PDE3B: variants seen among roughly 807,000 people sequenced by gnomAD.
The protein encoded by PDE3B is phosphodiesterase 3B.
PDE3B carries 66 observed loss-of-function variants against 116.8 expected under a neutral mutation model. That is an observed-to-expected ratio of 0.56 (90% CI 0.46 to 0.69). PDE3B has a LOEUF of 0.69. PDE3B is among the 30% of genes least tolerant of loss of function. The probability of loss-of-function intolerance (pLI) is 0.00; values close to 1 mark genes in which losing one functional copy is unlikely to be tolerated. For synonymous variants in PDE3B, 595 were observed against 533.6 expected (o/e 1.12, Z -1.59); for missense variants, 1,384 against 1,368.1 (o/e 1.01, Z -0.18).
At chr11:14,676,016 C>T (rs1402281423) in intron 1 of PDE3B, among the ~76,000 whole-genome samples, 1 of 152,114 alleles carries the variant, frequency 6.6e-6, no homozygotes, top group East Asian at 1.9e-4. Flanking sequence ...TATGAGAGTT[C>T]CAGTTGCCCT....
At chr11:14,891,641 T>G in the PDE3B span, 1 of 1,120,464 alleles carries the variant, frequency 8.9e-7, no homozygotes, top group Non-Finnish European at 1.1e-6. Flanking sequence ...AGGGCATGCG[T>G]CCACCCTGGA....
At chr11:14,711,911 A>AG (rs1855714844) in intron 1 of PDE3B, among the ~76,000 whole-genome samples, 1 of 152,230 alleles carries the variant, frequency 6.6e-6, no homozygotes. Context: ...AGAACATGTC[A>AG]GGGAAGGAAA....
intron 1 of PDE3B, among the ~76,000 whole-genome samples, chr11:14,689,688 A>G (rs1246073335): frequency 6.6e-6 from 1 of 152,198 alleles, no homozygotes; most frequent in Non-Finnish European, 1.5e-5. Context: ...GGTGATTGGC[A>G]TGATGAAGAG....
At chr11:14,696,071 G>C (rs1434772604) in intron 1 of PDE3B, among the ~76,000 whole-genome samples, 1 of 152,084 alleles carries the variant, frequency 6.6e-6, no homozygotes, top group Non-Finnish European at 1.5e-5. Context: ...CTAAATCTTG[G>C]CGGAATTGCC....
chr11:14,784,330 T>C (rs1858128521), intron 2 of PDE3B, among the ~76,000 whole-genome samples: 1 of 152,196 alleles, frequency 6.6e-6, no homozygotes, highest in African/African-American at 2.4e-5. Context: ...TGAATCATAT[T>C]TGATGATTGC....
At chr11:14,655,446 T>C (rs1401600559) in intron 1 of PDE3B, among the ~76,000 whole-genome samples, 2 of 152,220 alleles carry the variant, frequency 1.3e-5, no homozygotes, top group East Asian at 3.8e-4. Context: ...CACATTAATA[T>C]ACTCTTCTTA....
chr11:14,765,779 A>C (rs1212837387), intron 1 of PDE3B, among the ~76,000 whole-genome samples: 1 of 150,682 alleles, frequency 6.6e-6, no homozygotes, highest in Admixed American at 6.6e-5. Flanking sequence ...ATAGCACTAT[A>C]ACTTTTTGTT....
the PDE3B span, chr11:14,885,923 A>G: frequency 6.2e-7 from 1 of 1,612,886 alleles, no homozygotes; most frequent in Non-Finnish European, 8.5e-7. Flanking sequence ...AAGATCTTTG[A>G]GAAGAGAAGA....
At chr11:14,668,156 C>T (rs971004288) in intron 1 of PDE3B, among the ~76,000 whole-genome samples, 1 of 152,070 alleles carries the variant, frequency 6.6e-6, no homozygotes, top group Admixed American at 6.6e-5. Flanking sequence ...TGGACATTAT[C>T]TACTTTTTCT....
chr11:14,806,152 A>T (rs1192395477), intron 5 of PDE3B, among the ~76,000 whole-genome samples: 1 of 152,168 alleles, frequency 6.6e-6, no homozygotes. Flanking sequence ...GTATATACCC[A>T]AAGGATTGTA....
At chr11:14,761,094 A>G (rs1857349107) in intron 1 of PDE3B, among the ~76,000 whole-genome samples, 1 of 152,114 alleles carries the variant, frequency 6.6e-6, no homozygotes, top group African/African-American at 2.4e-5. Flanking sequence ...TCACAGTAAA[A>G]CACTAGACTT....
intron 1 of PDE3B, among the ~76,000 whole-genome samples, chr11:14,750,738 T>C (rs1857038550): frequency 6.6e-6 from 1 of 152,202 alleles, no homozygotes; most frequent in Non-Finnish European, 1.5e-5. Flanking sequence ...CAAGAAGTGG[T>C]TAAGAACCTT....
chr11:14,667,289 T>TG lies in PDE3B; in HGVS notation c.978+22242dup, dbSNP rs1158061338. Reference sequence around the variant, plus strand: ...TCACACTCTGGGGACTGTTGTGGGGTGGGGGGAGTGGGGAGGGATAGCATT... The same window carrying TG: ...TCACACTCTGGGGACTGTTGTGGGGTGGGGGGGAGTGGGGAGGGATAGCATT... On this transcript the variant is annotated intron_variant, in intron 1 of 15. Transcript: ENST00000282096. Among the ~76,000 whole-genome samples, 9 of 103,312 alleles carry TG rather than the reference T, an allele frequency of 8.7e-5. No individual in the cohort carries two copies. The Admixed American group carries it at 1.0e-3, about 11-fold the overall frequency. 67.8% of individuals were successfully genotyped at this position (103,312 alleles called of 152,430 possible). A position where few individuals can be genotyped will look rare whatever the true frequency, so the allele number is the denominator to read the frequency against.
chr11:14,838,311 A>G (rs2133969094), intron 11 of PDE3B, among the ~76,000 whole-genome samples: 1 of 152,280 alleles, frequency 6.6e-6, no homozygotes, highest in Admixed American at 6.5e-5. Flanking sequence ...TAATAGGATC[A>G]TAACTTCTGA....
At chr11:14,735,444 T>C (rs1246716473) in intron 1 of PDE3B, among the ~76,000 whole-genome samples, 1 of 152,058 alleles carries the variant, frequency 6.6e-6, no homozygotes, top group Non-Finnish European at 1.5e-5. Context: ...ACAAGATATA[T>C]CCTATATAGA....
rs1010590990 is a variant in PDE3B at position 14,766,063 on chromosome 11, C to T, written c.979-5874C>T. Among the ~76,000 whole-genome samples, 10 of 151,328 alleles carry T rather than the reference C, an allele frequency of 6.6e-5. 1 individual carries two copies. Among genetic ancestry groups the T allele is most frequent in the East Asian group, 1.9e-4 (1 of 5,182 alleles). ...TACCGCCAACTATGCATTCCGTATG[C>T]GTGGTAGCTACCCACCAACTTAAGG... On this transcript the variant is annotated intron_variant, in intron 1 of 15. Coordinates refer to ENST00000282096, the MANE Select transcript of PDE3B (RefSeq NM_000922.4).
chr11:14,793,144 C>T (rs1309013579), intron 4 of PDE3B, among the ~76,000 whole-genome samples: 1 of 152,102 alleles, frequency 6.6e-6, no homozygotes, highest in Non-Finnish European at 1.5e-5. Flanking sequence ...TTTCTGTGGT[C>T]AGAAAGTTCC....
In PDE3B at chr11:14,650,894, G is replaced by A. The variant is rs1374069664; in HGVS notation, c.978+5841G>A. On this transcript the variant is annotated intron_variant, in intron 1 of 15. Coordinates refer to ENST00000282096, the MANE Select transcript of PDE3B (RefSeq NM_000922.4). ...AGTATTGAAGCCCCACCAGCACCTT[G>A]GTTTAGCTTAGTGAGACCTATATCA... Among the ~76,000 whole-genome samples, 3 of 151,862 alleles carry A rather than the reference G, an allele frequency of 2.0e-5. No individual in the cohort carries two copies. In the East Asian group the frequency reaches 5.8e-4, roughly 29 times the overall value.
At chr11:14,892,380 G>A in the PDE3B span, 1 of 643,918 alleles carries the variant, frequency 1.6e-6, no homozygotes, top group Non-Finnish European at 2.7e-6. Context: ...AGTTTTGCGC[G>A]GCTGAGAGTG....
Sources: allele counts gnomAD v4.1 joint callset (sites outside exome capture counted in the v4.1 genomes callset), GRCh38; gene constraint gnomAD v4.1.1; transcripts MANE v1.5; gene names NCBI Gene and HGNC (gene_info 2026-07-23, HGNC 2026-07-21).